Variants in PIK3C2G observed in about 807,000 individuals in gnomAD.
The protein encoded by PIK3C2G is phosphatidylinositol-4-phosphate 3-kinase catalytic subunit type 2 gamma.
Under a neutral mutation model 181.1 loss-of-function variants are expected in PIK3C2G, and 168 were observed. That is an observed-to-expected ratio of 0.93 (90% CI 0.82 to 1.05). The LOEUF (loss-of-function observed/expected upper bound fraction) is 1.05. PIK3C2G is among the 50% of genes least tolerant of loss of function. The pLI is 0.00. For missense variants in PIK3C2G, 1,869 were observed against 1,732.8 expected (o/e 1.08, Z -1.40); for synonymous variants, 573 against 592.2 (o/e 0.97, Z 0.47).
At chr12:18,604,128 C>CAACT (rs536702783) in intron 30 of PIK3C2G, among the ~76,000 whole-genome samples, 86 of 152,236 alleles carry the variant, frequency 5.6e-4, no homozygotes, top group African/African-American at 1.9e-3. Context: ...ACTCACCAAC[C>CAACT]ATCTGCTGCC....
chr12:18,440,930 G>A (rs139312088), intron 18 of PIK3C2G, among the ~76,000 whole-genome samples: 30 of 152,138 alleles, frequency 2.0e-4, no homozygotes, highest in Admixed American at 8.5e-4. Context: ...CAACATATAC[G>A]TAAGGTTCAA....
chr12:18,441,907 CTTTG>C (rs1208975559), intron 18 of PIK3C2G, among the ~76,000 whole-genome samples: 1 of 152,094 alleles, frequency 6.6e-6, no homozygotes, highest in Non-Finnish European at 1.5e-5. Context: ...GTTCTTGAAG[CTTTG>C]TTTTCTTTTA....
chr12:18,402,457 G>A (rs1016871336), intron 16 of PIK3C2G, among the ~76,000 whole-genome samples: 26 of 152,078 alleles, frequency 1.7e-4, no homozygotes, highest in African/African-American at 6.0e-4. Flanking sequence ...GCACAAATCT[G>A]GAAACATGCT....
intron 16 of PIK3C2G, among the ~76,000 whole-genome samples, chr12:18,405,442 T>C (rs928268702): frequency 6.7e-6 from 1 of 150,018 alleles, no homozygotes; most frequent in African/African-American, 2.5e-5. Flanking sequence ...GTTGTTGAGA[T>C]GGAGTCTTGC....
At chr12:18,669,260 T>C in the PIK3C2G span, among the ~76,000 whole-genome samples, 1 of 152,168 alleles carries the variant, frequency 6.6e-6, no homozygotes, top group Non-Finnish European at 1.5e-5. Context: ...CAATCAAGCA[T>C]CAGAATCCAT....
intron 31 of PIK3C2G, among the ~76,000 whole-genome samples, chr12:18,623,822 T>A (rs764424308): frequency 2.0e-5 from 3 of 151,802 alleles, no homozygotes; most frequent in Non-Finnish European, 4.4e-5. Flanking sequence ...TCTCTTGATA[T>A]CCTTTTTGGA....
chr12:18,582,777 C>A (rs1487620260), intron 29 of PIK3C2G, among the ~76,000 whole-genome samples: 1 of 151,410 alleles, frequency 6.6e-6, no homozygotes, highest in African/African-American at 2.4e-5. Flanking sequence ...GCCTTCAGTG[C>A]AGCCACCCTA....
chr12:18,636,269 G>C (rs1949598323), intron 31 of PIK3C2G, among the ~76,000 whole-genome samples: 1 of 152,114 alleles, frequency 6.6e-6, no homozygotes, highest in Non-Finnish European at 1.5e-5. Flanking sequence ...TTTCGCTCTT[G>C]TTGCCCAGGC....
chr12:18,583,427 G>A (rs1465647893), intron 29 of PIK3C2G, among the ~76,000 whole-genome samples: 1 of 152,062 alleles, frequency 6.6e-6, no homozygotes, highest in Non-Finnish European at 1.5e-5. Flanking sequence ...TGAGTCTCCA[G>A]CATCCCTCGT....
At chr12:18,522,424 T>C (rs1565473936) in intron 24 of PIK3C2G, among the ~76,000 whole-genome samples, 1 of 152,270 alleles carries the variant, frequency 6.6e-6, no homozygotes, top group East Asian at 1.9e-4. Context: ...TAGCAATTCC[T>C]GTAAAACAGG....
At chr12:18,616,943 A>G (rs1948633634) in intron 31 of PIK3C2G, among the ~76,000 whole-genome samples, 2 of 152,322 alleles carry the variant, frequency 1.3e-5, no homozygotes, top group Admixed American at 1.3e-4. Flanking sequence ...TAGTTAAAAT[A>G]CTTTTTATTA....
intron 16 of PIK3C2G, among the ~76,000 whole-genome samples, chr12:18,403,070 A>C (rs1286910226): frequency 1.3e-5 from 2 of 152,188 alleles, no homozygotes; most frequent in Admixed American, 6.5e-5. Flanking sequence ...CTGCATAAAC[A>C]TGCTAGGCTA....
At position 18,343,674 on chromosome 12, in the gene PIK3C2G, C is replaced by A. The variant is rs187160126; in HGVS notation, c.1429+314C>A. 3.3e-5 allele frequency among the ~76,000 whole-genome samples: 5 copies of A among 152,094 alleles called. No individual in the cohort carries two copies. In the East Asian group the frequency reaches 9.7e-4, roughly 29 times the overall value. ...AAAATATCTTATAACCATTCCAAGA[C>A]ATTGAAAATTTTACCATTTACTTAA... On this transcript the variant is annotated intron_variant, in intron 10 of 32. Coordinates refer to ENST00000538779, the MANE Select transcript of PIK3C2G (RefSeq NM_001288772.2).
At chr12:18,524,206 C>T (rs1404999601) in intron 24 of PIK3C2G, among the ~76,000 whole-genome samples, 2 of 152,186 alleles carry the variant, frequency 1.3e-5, no homozygotes, top group African/African-American at 2.4e-5. Context: ...CTCCAACTCA[C>T]ATTTGTCTCT....
chr12:18,420,926 T>G lies in PIK3C2G; in HGVS notation c.2316-15T>G. 7.2e-7 allele frequency: 1 copy of G among 1,398,408 alleles called. No individual in the cohort carries two copies. Among genetic ancestry groups the G allele is most frequent in the Non-Finnish European group, 1.0e-6 (1 of 984,584 alleles). 86.6% of individuals were successfully genotyped at this position (1,398,408 alleles called of 1,614,324 possible). On this transcript the variant is annotated splice_polypyrimidine_tract_variant and intron_variant, in intron 16 of 32. Transcript: ENST00000538779. The stretch of plus-strand genomic sequence containing the variant: ...TACCATTAACAGCTTAGTGGATATA[T>G]TTACTGTGTATTAGTTTTCCAGATC...
intron 18 of PIK3C2G, among the ~76,000 whole-genome samples, chr12:18,433,352 A>G (rs1946269209): frequency 6.6e-6 from 1 of 152,000 alleles, no homozygotes; most frequent in Non-Finnish European, 1.5e-5. Context: ...ATTTCTACTA[A>G]AAATACAAAA....
intron 5 of PIK3C2G, among the ~76,000 whole-genome samples, chr12:18,302,986 G>C (rs1950238327): frequency 6.6e-6 from 1 of 152,244 alleles, no homozygotes; most frequent in East Asian, 1.9e-4. Flanking sequence ...TGGAGGGGCA[G>C]TGCAAACCAG....
the PIK3C2G span, among the ~76,000 whole-genome samples, chr12:18,707,829 A>C: frequency 2.0e-5 from 3 of 152,124 alleles, no homozygotes; most frequent in African/African-American, 7.2e-5. Context: ...CCACTGCTCA[A>C]AGCCTTGTTT....
chr12:18,501,169 T>A (rs1316561763), intron 22 of PIK3C2G, among the ~76,000 whole-genome samples: 2 of 152,114 alleles, frequency 1.3e-5, no homozygotes, highest in African/African-American at 2.4e-5. Flanking sequence ...ACCCAGCAAT[T>A]CCGGACGCAC....
Sources: allele counts gnomAD v4.1 joint callset (sites outside exome capture counted in the v4.1 genomes callset), GRCh38; gene constraint gnomAD v4.1.1; transcripts MANE v1.5; gene names NCBI Gene and HGNC (gene_info 2026-07-23, HGNC 2026-07-21).